DNAI4: variants seen among roughly 807,000 people sequenced by gnomAD.
The protein encoded by DNAI4 is dynein axonemal intermediate chain 4.
DNAI4 carries 85 observed loss-of-function variants against 105.8 expected under a neutral mutation model. The ratio of observed to expected loss-of-function variants is 0.80; its 90% CI spans 0.67 to 0.96. The LOEUF is 0.96. Ranked by LOEUF, DNAI4 falls within the 40% of genes least tolerant of loss-of-function variation. The pLI is 0.00. For synonymous variants in DNAI4, 352 were observed against 331.5 expected, an observed-to-expected ratio of 1.06 and a Z score of -0.67; for missense variants, 1,014 against 1,005.6, an observed-to-expected ratio of 1.01 and a Z score of -0.11.
intron 6 of DNAI4, among the ~76,000 whole-genome samples, chr1:66,868,070 C>A (rs549494135): frequency 6.6e-6 from 1 of 152,248 alleles, no homozygotes; most frequent in Non-Finnish European, 1.5e-5. Flanking sequence ...TACATTAAAC[C>A]TATAAATATG....
chr1:66,884,327 G>C (rs1647146070), intron 4 of DNAI4, among the ~76,000 whole-genome samples: 1 of 152,096 alleles, frequency 6.6e-6, no homozygotes, highest in African/African-American at 2.4e-5. Context: ...AATCTTTTGG[G>C]TAAATACCCA....
Position 66,862,284 on chromosome 1 carries a change from C to A in DNAI4, c.959G>T (p.Trp320Leu). ...AGCATTGTAAGAATCATACAAATCC[C>A]AGGCAGTGGACATTATGCCTAGATA... ...MEDKGIMSTAWDLYDSYNAME... is the reference protein window; with the variant it reads ...MEDKGIMSTALDLYDSYNAME... Residue 320 changes from tryptophan to leucine, a missense_variant, in exon 7 of 17, where the codon TGG becomes TTG. Physicochemically the swap from Trp to Leu is moderately conservative, Grantham distance 61. Transcript: ENST00000371026. 1 of 1,607,480 alleles carries A rather than the reference C, an allele frequency of 6.2e-7. No homozygotes were observed. The highest frequency in any genetic ancestry group is 8.5e-7 in the Non-Finnish European group (1 of 1,178,152).
At chr1:66,847,734 T>A (rs1028630916) in intron 7 of DNAI4, 56 bp from the exon 8 acceptor site, 1 of 1,313,654 alleles carries the variant, frequency 7.6e-7, no homozygotes, top group Non-Finnish European at 1.0e-6. Context: ...GGTTCATACA[T>A]TCTAAAGATT....
At chr1:66,826,323 G>A (rs1215626972) in intron 15 of DNAI4, among the ~76,000 whole-genome samples, 2 of 149,234 alleles carry the variant, frequency 1.3e-5, no homozygotes, top group Admixed American at 6.6e-5. Context: ...TTTTGAGACA[G>A]AGTCTCACTG....
rs1646160336 is a variant in DNAI4, at chr1:66,842,036, T to C, written c.1292-1365A>G. On this transcript the variant is annotated intron_variant, in intron 8 of 16. Coordinates refer to ENST00000371026, the MANE Select transcript of DNAI4 (RefSeq NM_024763.5). The stretch of plus-strand genomic sequence containing the variant: ...GGAAACTACTGACTATTTTACTGTC[T>C]CCATATTTTGCCTTTTCCCAAAACG... Among the ~76,000 whole-genome samples the C allele has an allele frequency of 2.0e-5, 3 of 152,206 alleles. No individual in the cohort carries two copies. The South Asian group carries it at 6.2e-4, about 32-fold the overall frequency.
At chr1:66,855,450 T>C (rs1646481167) in intron 7 of DNAI4, among the ~76,000 whole-genome samples, 1 of 152,224 alleles carries the variant, frequency 6.6e-6, no homozygotes, top group Non-Finnish European at 1.5e-5. Flanking sequence ...GAACAAAACC[T>C]ACATTTTAAA....
At chr1:66,882,875 A>G (rs1380759173) in intron 4 of DNAI4, among the ~76,000 whole-genome samples, 1 of 152,144 alleles carries the variant, frequency 6.6e-6, no homozygotes, top group Non-Finnish European at 1.5e-5. Context: ...TATACATCGA[A>G]TTACAAATAA....
intron 1 of DNAI4, among the ~76,000 whole-genome samples, chr1:66,913,875 G>A (rs1306546007): frequency 6.6e-6 from 1 of 151,856 alleles, no homozygotes; most frequent in Non-Finnish European, 1.5e-5. Context: ...CCAGCTACTC[G>A]GGAGGCTGAG....
intron 2 of DNAI4, among the ~76,000 whole-genome samples, chr1:66,899,200 G>T (rs1335711459): frequency 6.6e-6 from 1 of 152,146 alleles, no homozygotes; most frequent in Non-Finnish European, 1.5e-5. Flanking sequence ...TTACAAAGTG[G>T]CTAATTTATA....
rs544268666 is a variant in DNAI4, at chr1:66,845,764, T to C, written c.1291+1720A>G. Among the ~76,000 whole-genome samples the C allele has an allele frequency of 2.4e-4, 36 of 152,056 alleles. 1 individual carries two copies. Among genetic ancestry groups the C allele is most frequent in the Admixed American group, 9.2e-4 (14 of 15,264 alleles). On this transcript the variant is annotated intron_variant, in intron 8 of 16. Coordinates refer to ENST00000371026, the MANE Select transcript of DNAI4 (RefSeq NM_024763.5). ...CAAGAAGCCAGACTCAAAAGAATAC[T>C]TACTTTATGAACCCACTTATATGAC...
Position 66,823,847 on chromosome 1 carries a change from C to A in DNAI4, c.2340-1330G>T, listed in dbSNP as rs1023344142. Among the ~76,000 whole-genome samples, 112 of 151,064 alleles carry A rather than the reference C, an allele frequency of 7.4e-4. 5 individuals carry two copies. The East Asian group carries it at 0.017, about 23-fold the overall frequency. ...TGAGTAGGTTGTGAAAATTTTCTCC[C>A]ATTTTGTAGGTTGTCTGTTCACTCT... On this transcript the variant is annotated intron_variant, in intron 15 of 16. Coordinates refer to ENST00000371026, the MANE Select transcript of DNAI4 (RefSeq NM_024763.5).
At position 66,836,224 on chromosome 1, in the gene DNAI4, G is replaced by A. The variant is rs12025344; in HGVS notation, c.1582-447C>T. 4.2e-3 allele frequency among the ~76,000 whole-genome samples: 542 copies of A among 128,330 alleles called. 4 individuals are homozygous for A. The highest frequency in any genetic ancestry group is 5.6e-3 in the Non-Finnish European group (341 of 60,392). The allele number at this position is 128,330 out of a possible 152,430, so 84.2% of individuals were successfully genotyped here. On this transcript the variant is annotated intron_variant, in intron 10 of 16. Transcript: ENST00000371026. Reference sequence around the variant, plus strand: ...AGAAAGAAAGAGAGAGAGAGAGAGAGAGAGAGAGAGAAAGAAAGAAAGAGA... The same window carrying A: ...AGAAAGAAAGAGAGAGAGAGAGAGAAAGAGAGAGAGAAAGAAAGAAAGAGA...
intron 15 of DNAI4, among the ~76,000 whole-genome samples, chr1:66,824,599 T>C (rs1156503987): frequency 2.0e-5 from 3 of 151,766 alleles, no homozygotes; most frequent in Non-Finnish European, 4.4e-5. Context: ...CAGTGGTTTG[T>C]AGTTCTCCTT....
At chr1:66,872,217 A>ATTATTTAT (rs1553222758) in intron 5 of DNAI4, among the ~76,000 whole-genome samples, 2 of 117,418 alleles carry the variant, frequency 1.7e-5, no homozygotes, top group Middle Eastern at 4.5e-3. Context: ...TTATTTATTT[A>ATTATTTAT]TTATTTATTT....
intron 15 of DNAI4, among the ~76,000 whole-genome samples, chr1:66,822,970 C>T (rs1389561518): frequency 6.6e-6 from 1 of 151,990 alleles, no homozygotes; most frequent in Non-Finnish European, 1.5e-5. Flanking sequence ...AGGTTTGTTA[C>T]ATAGGTATAC....
intron 1 of DNAI4, among the ~76,000 whole-genome samples, chr1:66,910,999 C>T (rs1049386758): frequency 6.6e-5 from 10 of 152,198 alleles, no homozygotes; most frequent in Non-Finnish European, 1.3e-4. Flanking sequence ...TCCTCCAATT[C>T]AATTCCAGCA....
chr1:66,924,461 C>CG, intron 1 of DNAI4, among the ~76,000 whole-genome samples: 1 of 152,322 alleles, frequency 6.6e-6, no homozygotes, highest in East Asian at 1.9e-4. Flanking sequence ...TGTGAGCCAC[C>CG]GCGCCCAGCC....
chr1:66,898,739 G>C (rs1462494957), intron 2 of DNAI4, among the ~76,000 whole-genome samples: 1 of 152,162 alleles, frequency 6.6e-6, no homozygotes, highest in African/African-American at 2.4e-5. Flanking sequence ...TGAGCATTCA[G>C]TTATACAATA....
intron 13 of DNAI4, 131 bp from the exon 14 acceptor site, chr1:66,828,041 C>A: frequency 2.0e-6 from 1 of 498,762 alleles, no homozygotes; most frequent in Non-Finnish European, 3.6e-6. Context: ...CTTGAATATA[C>A]CAATCTTGTC....
Sources: gnomAD v4.1 joint callset for allele counts (sites outside exome capture counted in the v4.1 genomes callset) on GRCh38, gnomAD v4.1.1 for gene constraint, MANE v1.5 for transcripts, NCBI Gene and HGNC (gene_info 2026-07-23, HGNC 2026-07-21) for gene names.